ABCA10: variants seen among roughly 807,000 people sequenced by gnomAD.
ABCA10 encodes ATP-binding cassette sub-family A member 10.
In ABCA10, 169 loss-of-function variants were observed where a neutral mutation model predicts 187.5. The observed-to-expected ratio is 0.90, with a 90% confidence interval of 0.80 to 1.02. ABCA10 has a LOEUF of 1.02. ABCA10 is among the 50% of genes least tolerant of loss of function. The pLI is 0.00. For synonymous variants in ABCA10, 574 were observed against 601.8 expected, an observed-to-expected ratio of 0.95 and a Z score of 0.68; for missense variants, 1,727 against 1,812.4, an observed-to-expected ratio of 0.95 and a Z score of 0.86.
chr17:69,160,825 T>C (rs1237598733), intron 27 of ABCA10, among the ~76,000 whole-genome samples: 1 of 152,098 alleles, frequency 6.6e-6, no homozygotes, highest in African/African-American at 2.4e-5. Flanking sequence ...TGCAAAATGG[T>C]GCAATTTCTA....
intron 9 of ABCA10, among the ~76,000 whole-genome samples, chr17:69,212,955 G>A (rs57426741): frequency 2.5e-3 from 385 of 152,248 alleles, no homozygotes; most frequent in African/African-American, 9.1e-3. Flanking sequence ...ATTCAATGTG[G>A]GTATTGAGAT....
chr17:69,225,479 T>C lies in ABCA10; in HGVS notation c.-121A>G, dbSNP rs1396935848. The C allele has an allele frequency of 2.2e-6, 2 of 907,576 alleles. No homozygotes were observed. The highest frequency in any genetic ancestry group is 1.7e-5 in the African/African-American group (1 of 59,050). The allele number at this position is 907,576 out of a possible 1,614,324, so 56.2% of individuals were successfully genotyped here. ...CAGGAAAACGGGTAGCTCTGAAGTG[T>C]TCCGAAAAGATGCACAAATATAGCC... On this transcript the variant is annotated 5_prime_UTR_variant, in exon 3 of 39. Transcript: ENST00000690296.
intron 3 of ABCA10, 55 bp from the exon 4 acceptor site, chr17:69,222,752 CACAAAA>C (rs1340192454): frequency 6.9e-7 from 1 of 1,445,132 alleles, no homozygotes; most frequent in African/African-American, 1.5e-5. Context: ...TACTAGAGGA[CACAAAA>C]ACAAAATACA....
In ABCA10 at chr17:69,155,942, A is replaced by G. The variant is rs984653843; in HGVS notation, c.3456-17T>C. The G allele has an allele frequency of 6.2e-7, 1 of 1,604,252 alleles. No homozygotes were observed. ...GGAGAGATTCTACAGAGGAAATAAA[A>G]TAACATAAAAATGCAATTTTGGCTG... On this transcript the variant is annotated splice_polypyrimidine_tract_variant and intron_variant, in intron 28 of 38. Transcript: ENST00000690296.
intron 9 of ABCA10, among the ~76,000 whole-genome samples, chr17:69,213,482 A>G (rs2144836023): frequency 6.6e-6 from 1 of 152,256 alleles, no homozygotes; most frequent in East Asian, 1.9e-4. Flanking sequence ...CTGCTGCATC[A>G]TACAGATAGC....
chr17:69,211,358 T>TATAC (rs199591047), intron 9 of ABCA10, among the ~76,000 whole-genome samples: 1 of 26,086 alleles, frequency 3.8e-5, no homozygotes, highest in East Asian at 6.2e-4. Flanking sequence ...TATATATATA[T>TATAC]ATACACACAC....
rs1165787046 is a variant in ABCA10 at position 69,219,755 on chromosome 17, G to T, written c.320C>A (p.Ser107Tyr). 2 of 1,592,680 alleles carry T rather than the reference G, an allele frequency of 1.3e-6. No individual in the cohort carries two copies. The highest frequency in any genetic ancestry group is 1.7e-6 in the Non-Finnish European group (2 of 1,170,022). The change falls in exon 6 of 39, where the codon TCT becomes TAT. Residue 107 changes from serine to tyrosine, a missense_variant. Ser to Tyr is a moderately radical substitution (Grantham distance 144). Coordinates refer to ENST00000690296, the MANE Select transcript of ABCA10 (RefSeq NM_001377321.1). ...AACTGATGTCAACTCCTCCATTACA[G>T]AATGATTTGTTGTGACCTAAATTGG... ...AAIIEVTTNH[S>Y]VMEELTSVIG...
At chr17:69,157,207 C>A (rs906396161) in intron 27 of ABCA10, among the ~76,000 whole-genome samples, 2 of 151,994 alleles carry the variant, frequency 1.3e-5, no homozygotes, top group Non-Finnish European at 2.9e-5. Flanking sequence ...GCTTTTAAAG[C>A]CAAATCTAAA....
Position 69,201,480 on chromosome 17 carries a change from T to G in ABCA10, c.1175+20A>C. On this transcript the variant is annotated intron_variant, in intron 10 of 38. Transcript: ENST00000690296. ...AGCTTTTACCTATAAGTGTACATAG[T>G]CATGTAATTTCTTAGTTACCTTATG... 6.4e-7 allele frequency: 1 copy of G among 1,550,846 alleles called. No individual in the cohort carries two copies. The highest frequency in any genetic ancestry group is 8.7e-7 in the Non-Finnish European group (1 of 1,152,984).
chr17:69,240,705 T>C (rs1471395601), intron 1 of ABCA10, among the ~76,000 whole-genome samples: 1 of 152,240 alleles, frequency 6.6e-6, no homozygotes, highest in African/African-American at 2.4e-5. Flanking sequence ...CTCCAAGGGA[T>C]GGGCCCCTTC....
upstream of ABCA10, among the ~76,000 whole-genome samples, chr17:69,229,405 G>A (rs2074816361): frequency 2.0e-5 from 3 of 152,028 alleles, no homozygotes; most frequent in South Asian, 6.2e-4. Context: ...TTTAAAAAGT[G>A]TAGTGGTATA....
At chr17:69,167,781 T>TA (rs2074264587) in intron 25 of ABCA10, among the ~76,000 whole-genome samples, 1 of 152,172 alleles carries the variant, frequency 6.6e-6, no homozygotes, top group Non-Finnish European at 1.5e-5. Flanking sequence ...TCTTCTATGA[T>TA]ACAGGCACTG....
rs578174198 is a variant in ABCA10, at chr17:69,228,506, G to A, written c.-313+75C>T. ...TAATTTTAAAAATTTCAATCAATATGTTTGGCTTTGGCTATATACTTTATA... is the reference window on the plus strand; with the variant it reads ...TAATTTTAAAAATTTCAATCAATATATTTGGCTTTGGCTATATACTTTATA... On this transcript the variant is annotated intron_variant, in intron 1 of 38. Transcript: ENST00000690296. 3.9e-5 allele frequency: 6 copies of A among 152,014 alleles called. 1 individual carries two copies. The South Asian group carries it at 1.2e-3, about 32-fold the overall frequency. The allele number at this position is 152,014 out of a possible 1,614,324, so 9.4% of individuals were successfully genotyped here.
At chr17:69,220,952 A>G (rs771127042) in intron 5 of ABCA10, among the ~76,000 whole-genome samples, 21 of 152,318 alleles carry the variant, frequency 1.4e-4, no homozygotes, top group Non-Finnish European at 2.6e-4. Context: ...TTACAGAAAA[A>G]TGTTGCTAGT....
intron 29 of ABCA10, among the ~76,000 whole-genome samples, chr17:69,155,601 A>G (rs964490521): frequency 6.6e-6 from 1 of 152,212 alleles, no homozygotes; most frequent in Non-Finnish European, 1.5e-5. Flanking sequence ...CTGGAAGAGT[A>G]AGACCCACAG....
At position 69,174,890 on chromosome 17, in the gene ABCA10, T is replaced by C. The variant is rs1482714904; in HGVS notation, c.2878-113A>G. On this transcript the variant is annotated intron_variant, in intron 23 of 38. Coordinates refer to ENST00000690296, the MANE Select transcript of ABCA10 (RefSeq NM_001377321.1). The stretch of plus-strand genomic sequence containing the variant: ...GAAATAGTATGTTATAGTGTCTGTG[T>C]GACAAAAAGCATCCTCCTAAAAATC... 5.6e-6 allele frequency: 5 copies of C among 898,754 alleles called. 1 individual carries two copies. The highest frequency in any genetic ancestry group is 3.5e-5 in the Admixed American group (1 of 28,872). 55.7% of individuals were successfully genotyped at this position (898,754 alleles called of 1,614,324 possible). A position where few individuals can be genotyped will look rare whatever the true frequency, so the allele number is the denominator to read the frequency against.
rs570078894 is a variant in ABCA10, at chr17:69,191,095, C to T, written c.2011+81G>A. 1.4e-5 allele frequency: 18 copies of T among 1,245,836 alleles called. No individual in the cohort carries two copies. The South Asian group carries it at 1.6e-4, about 11-fold the overall frequency. 77.2% of individuals were successfully genotyped at this position (1,245,836 alleles called of 1,614,324 possible). On this transcript the variant is annotated intron_variant, in intron 17 of 38. Transcript: ENST00000690296. ...TTTCATTTGTATAAGCTTTAGAACT[C>T]GATTCATAGAACAACAGAAAATGCA...
chr17:69,210,102 AT>A (rs1315141297), intron 9 of ABCA10, among the ~76,000 whole-genome samples: 2 of 137,494 alleles, frequency 1.5e-5, no homozygotes, highest in East Asian at 4.2e-4. Context: ...TATTATTATT[AT>A]TATTTCAATA....
intron 4 of ABCA10, 44 bp downstream of exon 4, chr17:69,222,489 A>G: frequency 2.1e-6 from 3 of 1,441,302 alleles, no homozygotes. Flanking sequence ...AGGGGATTCC[A>G]TGAAGTATCA....
Sources: gnomAD v4.1 joint callset for allele counts (sites outside exome capture counted in the v4.1 genomes callset) on GRCh38, gnomAD v4.1.1 for gene constraint, MANE v1.5 for transcripts, NCBI Gene and HGNC (gene_info 2026-07-23, HGNC 2026-07-21) for gene names.